PLXDC2: variants seen among roughly 807,000 people sequenced by gnomAD.
PLXDC2 encodes the protein plexin domain containing 2.
In PLXDC2, 40 loss-of-function variants were observed where a neutral mutation model predicts 68.9. The ratio of observed to expected loss-of-function variants is 0.58; its 90% CI spans 0.45 to 0.76. The LOEUF is 0.76. PLXDC2 is among the 30% of genes least tolerant of loss of function. The pLI is 0.00. For missense variants in PLXDC2, 644 were observed against 661.9 expected (o/e 0.97, Z 0.30); for synonymous variants, 243 against 234.2 (o/e 1.04, Z -0.34).
intron 3 of PLXDC2, among the ~76,000 whole-genome samples, chr10:20,060,515 T>A (rs577152365): frequency 6.9e-6 from 1 of 144,262 alleles, no homozygotes; most frequent in African/African-American, 2.6e-5. Flanking sequence ...AAAAAAGTCA[T>A]TGAGGCTGGG....
chr10:19,959,211 T>G (rs1170838902), intron 1 of PLXDC2, among the ~76,000 whole-genome samples: 2 of 152,192 alleles, frequency 1.3e-5, no homozygotes, highest in East Asian at 3.8e-4. Context: ...GATAAGCCCT[T>G]TTTCTTAAAA....
chr10:19,857,586 A>C (rs1713495774), intron 1 of PLXDC2, among the ~76,000 whole-genome samples: 1 of 152,234 alleles, frequency 6.6e-6, no homozygotes, highest in Non-Finnish European at 1.5e-5. Context: ...GTTCATTGTC[A>C]GACCTTTCTT....
chr10:20,149,018 G>T (rs1270170272), intron 6 of PLXDC2, among the ~76,000 whole-genome samples: 1 of 151,834 alleles, frequency 6.6e-6, no homozygotes, highest in African/African-American at 2.4e-5. Flanking sequence ...GTGTAAACAG[G>T]TTATAATTAT....
intron 4 of PLXDC2, among the ~76,000 whole-genome samples, chr10:20,128,594 A>G (rs1470156590): frequency 6.6e-6 from 1 of 152,110 alleles, no homozygotes; most frequent in East Asian, 1.9e-4. Context: ...TATATATGAG[A>G]TCTCCAGAAC....
At chr10:19,865,990 T>C (rs1450211198) in intron 1 of PLXDC2, among the ~76,000 whole-genome samples, 1 of 152,118 alleles carries the variant, frequency 6.6e-6, no homozygotes, top group Non-Finnish European at 1.5e-5. Context: ...AAATTCACAC[T>C]TTCCCCCCTC....
chr10:19,885,200 G>C (rs1261040688), intron 1 of PLXDC2, among the ~76,000 whole-genome samples: 3 of 151,864 alleles, frequency 2.0e-5, no homozygotes, highest in Non-Finnish European at 4.4e-5. Flanking sequence ...TGATGGGGTT[G>C]TTTGTTTTTT....
intron 12 of PLXDC2, among the ~76,000 whole-genome samples, chr10:20,225,811 CAATT>C (rs1835278597): frequency 7.1e-6 from 1 of 141,742 alleles, no homozygotes; most frequent in African/African-American, 3.1e-5. Flanking sequence ...ACCTGAGCAC[CAATT>C]TTTTTTTAAT....
At chr10:19,947,704 T>C (rs1833925715) in intron 1 of PLXDC2, among the ~76,000 whole-genome samples, 1 of 111,940 alleles carries the variant, frequency 8.9e-6, no homozygotes, top group Non-Finnish European at 1.9e-5. Context: ...CTTTTCTTTC[T>C]TTCTTTTTTT....
intron 12 of PLXDC2, among the ~76,000 whole-genome samples, chr10:20,230,720 A>AAAAAAAAAAAAG (rs1835353007): frequency 6.8e-6 from 1 of 146,786 alleles, no homozygotes; most frequent in Non-Finnish European, 1.5e-5. Context: ...AAAAACAGGA[A>AAAAAAAAAAAAG]AACAGTGTCA....
At chr10:20,148,017 C>T in intron 6 of PLXDC2, 115 bp downstream of exon 6, 1 of 739,182 alleles carries the variant, frequency 1.4e-6, no homozygotes, top group South Asian at 1.7e-5. Context: ...ATTTTCTTGC[C>T]TCTTGGTTTC....
At chr10:19,964,606 T>C (rs1372449821) in intron 1 of PLXDC2, among the ~76,000 whole-genome samples, 2 of 152,234 alleles carry the variant, frequency 1.3e-5, no homozygotes, top group East Asian at 1.9e-4. Context: ...GGGTTGCTTA[T>C]GCAGTTTCTC....
chr10:20,238,694 C>CAT (rs1253597995), intron 12 of PLXDC2, among the ~76,000 whole-genome samples: 1 of 23,368 alleles, frequency 4.3e-5, no homozygotes, highest in African/African-American at 1.3e-4. Context: ...TATATATATA[C>CAT]ACACATATAT....
chr10:19,859,351 C>T (rs1837276833), intron 1 of PLXDC2, among the ~76,000 whole-genome samples: 1 of 152,120 alleles, frequency 6.6e-6, no homozygotes, highest in South Asian at 2.1e-4. Flanking sequence ...TCTCTAATGC[C>T]CCAGAGACGG....
intron 13 of PLXDC2, among the ~76,000 whole-genome samples, chr10:20,265,627 T>C (rs1835862940): frequency 6.6e-6 from 1 of 152,194 alleles, no homozygotes; most frequent in African/African-American, 2.4e-5. Flanking sequence ...TATTGGCATA[T>C]AAAGTACTAG....
chr10:19,854,684 T>C (rs1385626353), intron 1 of PLXDC2, among the ~76,000 whole-genome samples: 3 of 152,218 alleles, frequency 2.0e-5, no homozygotes, highest in Non-Finnish European at 4.4e-5. Context: ...TAGTTGCAAT[T>C]CCAGCCTAGC....
chr10:19,964,079 C>T (rs1267593827), intron 1 of PLXDC2, among the ~76,000 whole-genome samples: 1 of 152,150 alleles, frequency 6.6e-6, no homozygotes, highest in Admixed American at 6.5e-5. Flanking sequence ...AATGTTCTGC[C>T]AGTGAACATT....
intron 2 of PLXDC2, among the ~76,000 whole-genome samples, chr10:20,037,736 G>A (rs1263731611): frequency 6.6e-6 from 1 of 152,170 alleles, no homozygotes; most frequent in African/African-American, 2.4e-5. Context: ...GATCACAAGG[G>A]TATTGTGCTT....
intron 12 of PLXDC2, among the ~76,000 whole-genome samples, chr10:20,232,604 A>G (rs1345606653): frequency 6.6e-6 from 1 of 152,248 alleles, no homozygotes; most frequent in Admixed American, 6.5e-5. Context: ...AACATTGTTA[A>G]GCAAAAGATG....
At chr10:20,142,279 T>C (rs1834016993) in intron 4 of PLXDC2, among the ~76,000 whole-genome samples, 1 of 152,110 alleles carries the variant, frequency 6.6e-6, no homozygotes, top group Admixed American at 6.5e-5. Flanking sequence ...TCTAATTAAC[T>C]GATGACTGCC....
Sources: allele counts gnomAD v4.1 joint callset (sites outside exome capture counted in the v4.1 genomes callset), GRCh38; gene constraint gnomAD v4.1.1; transcripts MANE v1.5; gene names NCBI Gene and HGNC (gene_info 2026-07-23, HGNC 2026-07-21).